CTIF: variants seen among roughly 807,000 people sequenced by gnomAD.
The protein encoded by CTIF is cap binding complex dependent translation initiation factor, also known as CBP80/20-dependent translation initiation factor.
A neutral mutation model predicts 66.0 loss-of-function variants in CTIF; 21 were observed. The ratio of observed to expected loss-of-function variants is 0.32; its 90% CI spans 0.23 to 0.46. The LOEUF (loss-of-function observed/expected upper bound fraction) is 0.46. Ranked by LOEUF, CTIF falls within the 20% of genes least tolerant of loss-of-function variation. The probability of loss-of-function intolerance (pLI) is 1.00; values close to 1 mark genes in which losing one functional copy is unlikely to be tolerated. For synonymous variants in CTIF, 345 were observed against 326.4 expected, an observed-to-expected ratio of 1.06 and a Z score of -0.62; for missense variants, 739 against 812.7, an observed-to-expected ratio of 0.91 and a Z score of 1.10.
intron 9 of CTIF, among the ~76,000 whole-genome samples, chr18:48,797,498 G>GGC (rs1555695542): frequency 2.7e-5 from 4 of 147,448 alleles, no homozygotes; most frequent in African/African-American, 1.0e-4. Flanking sequence ...GAAAAGGGGT[G>GGC]GGGGGGCAAG....
chr18:48,794,756 G>A (rs2067873616), intron 9 of CTIF, among the ~76,000 whole-genome samples: 1 of 152,174 alleles, frequency 6.6e-6, no homozygotes, highest in South Asian at 2.1e-4. Context: ...TGGGAACTCT[G>A]GAGGTTTTCC....
intron 10 of CTIF, among the ~76,000 whole-genome samples, chr18:48,828,151 T>C (rs1197215658): frequency 6.6e-6 from 1 of 152,162 alleles, no homozygotes; most frequent in Non-Finnish European, 1.5e-5. Context: ...CCTAGAGTTA[T>C]AAAAATACCA....
chr18:48,675,430 C>T (rs894625779), intron 6 of CTIF, among the ~76,000 whole-genome samples: 11 of 152,172 alleles, frequency 7.2e-5, no homozygotes, highest in East Asian at 1.9e-4. Flanking sequence ...AGGGCACCAG[C>T]GCACCACTCT....
At chr18:48,598,520 C>A (rs1346948936) in intron 1 of CTIF, among the ~76,000 whole-genome samples, 1 of 152,142 alleles carries the variant, frequency 6.6e-6, no homozygotes, top group Non-Finnish European at 1.5e-5. Context: ...TTGAGGGGAG[C>A]CAGCAATAAG....
chr18:48,841,056 C>T (rs181530355), intron 10 of CTIF, among the ~76,000 whole-genome samples: 5 of 152,272 alleles, frequency 3.3e-5, no homozygotes, highest in Admixed American at 2.6e-4. Context: ...TTTTCTAAGT[C>T]CTCCAATGAC....
intron 7 of CTIF, among the ~76,000 whole-genome samples, chr18:48,726,538 G>A (rs1227748410): frequency 6.6e-6 from 1 of 152,134 alleles, no homozygotes; most frequent in Non-Finnish European, 1.5e-5. Context: ...TCACAAGGTG[G>A]TTGGCAGTTC....
At chr18:48,706,023 C>G (rs554998866) in intron 6 of CTIF, among the ~76,000 whole-genome samples, 128 of 152,228 alleles carry the variant, frequency 8.4e-4, no homozygotes, top group Admixed American at 1.6e-3. Context: ...ATGGCGGGCC[C>G]CCTACATTTG....
chr18:48,702,759 G>A (rs954606414), intron 6 of CTIF, among the ~76,000 whole-genome samples: 2 of 152,122 alleles, frequency 1.3e-5, no homozygotes, highest in Admixed American at 6.5e-5. Context: ...GCCCACCCCC[G>A]ACTTTCCTTT....
At position 48,860,880 on chromosome 18, in the gene CTIF, G is replaced by C. The variant is rs2069451325; in HGVS notation, c.*1321G>C. On this transcript the variant is annotated 3_prime_UTR_variant, in exon 12 of 12. Transcript: ENST00000256413. ...GGGTTTCTTGGCAGGCCCTGGTCCT[G>C]GGGAGCAGGCCCTGTTGTTGGCTGG... The C allele has an allele frequency of 6.6e-6, 1 of 152,192 alleles. No individual in the cohort carries two copies. Among genetic ancestry groups the C allele is most frequent in the South Asian group, 2.1e-4 (1 of 4,824 alleles). 9.4% of individuals were successfully genotyped at this position (152,192 alleles called of 1,614,324 possible).
rs1303944860 is a variant in CTIF at position 48,730,640 on chromosome 18, T to A, written c.584+18945T>A. Among the ~76,000 whole-genome samples the A allele has an allele frequency of 4.4e-5, 5 of 114,848 alleles. 1 individual carries two copies. The highest frequency in any genetic ancestry group is 1.7e-4 in the Admixed American group (2 of 12,106). 75.3% of individuals were successfully genotyped at this position (114,848 alleles called of 152,430 possible). On this transcript the variant is annotated intron_variant, in intron 7 of 11. Coordinates refer to ENST00000256413, the MANE Select transcript of CTIF (RefSeq NM_014772.3). ...GGGCTCCTGCGGTGTGAGGGGCCCC[T>A]GTGGTGTGAGGGGCTTCTGCGGTGT...
chr18:48,600,807 A>C (rs1004743432), intron 1 of CTIF, among the ~76,000 whole-genome samples: 1 of 152,096 alleles, frequency 6.6e-6, no homozygotes, highest in African/African-American at 2.4e-5. Flanking sequence ...TTTTGCAGCC[A>C]AACCAGTTCT....
chr18:48,626,249 C>T (rs12967479), intron 2 of CTIF, among the ~76,000 whole-genome samples: 84,818 of 151,984 alleles, frequency 0.56, 27,347 homozygotes, highest in East Asian at 0.86. Context: ...GATCCACCTG[C>T]CTCGGGCTCC....
At chr18:48,857,756 GTGGA>G in intron 11 of CTIF, 115 bp downstream of exon 11, 1 of 940,602 alleles carries the variant, frequency 1.1e-6, no homozygotes, top group South Asian at 1.8e-5. Context: ...GGGAAGGTAG[GTGGA>G]TGGCTTCAGG....
At chr18:48,676,496 C>T (rs958245380) in intron 6 of CTIF, among the ~76,000 whole-genome samples, 4 of 152,176 alleles carry the variant, frequency 2.6e-5, no homozygotes, top group Non-Finnish European at 5.9e-5. Flanking sequence ...CATTAGATGG[C>T]TCAGACCTAG....
In CTIF at chr18:48,579,365, C is replaced by T. The variant is rs532157236; in HGVS notation, c.-29+40053C>T. On this transcript the variant is annotated intron_variant, in intron 1 of 11. Transcript: ENST00000256413. ...TTCTCCATGTTGGCCAGGCTGGTCTCGCACTCCTGACCTCAAGTGACCTGC... is the reference window on the plus strand; with the variant it reads ...TTCTCCATGTTGGCCAGGCTGGTCTTGCACTCCTGACCTCAAGTGACCTGC... Among the ~76,000 whole-genome samples the T allele has an allele frequency of 7.1e-4, 108 of 152,206 alleles. 3 individuals carry two copies. In the South Asian group the frequency reaches 0.019, roughly 26 times the overall value.
At chr18:48,690,761 T>C (rs1469151787) in intron 6 of CTIF, among the ~76,000 whole-genome samples, 1 of 151,926 alleles carries the variant, frequency 6.6e-6, no homozygotes, top group African/African-American at 2.4e-5. Flanking sequence ...CCAAGCTGCA[T>C]GGACTTGACC....
At chr18:48,553,481 G>A (rs2175565) in intron 1 of CTIF, among the ~76,000 whole-genome samples, 110,003 of 151,974 alleles carry the variant, frequency 0.72, 40,901 homozygotes, top group East Asian at 0.96. Flanking sequence ...CCGGAATGCA[G>A]ACTGTAACCA....
Position 48,818,241 on chromosome 18 carries a change from C to T in CTIF, c.1527+865C>T, listed in dbSNP as rs904677114. Reference sequence around the variant, plus strand: ...AAGCCGAGTGGGGCTGCTTAGGCTGCGCAGCAAGAGGTTGGTGGCTTGGAA... The same window carrying T: ...AAGCCGAGTGGGGCTGCTTAGGCTGTGCAGCAAGAGGTTGGTGGCTTGGAA... On this transcript the variant is annotated intron_variant, in intron 10 of 11. Transcript: ENST00000256413. Among the ~76,000 whole-genome samples the T allele has an allele frequency of 1.3e-4, 20 of 152,114 alleles. 1 individual carries two copies. The highest frequency in any genetic ancestry group is 2.6e-4 in the Admixed American group (4 of 15,272).
In CTIF at chr18:48,758,031, C is replaced by T; in HGVS notation, c.697C>T (p.Pro233Ser). Residue 233 changes from proline to serine, a missense_variant, in exon 8 of 12, where the codon CCC becomes TCC. Physicochemically the swap from Pro to Ser is moderately conservative, Grantham distance 74 (BLOSUM62 -1). Coordinates refer to ENST00000256413, the MANE Select transcript of CTIF (RefSeq NM_014772.3). ...GAAATCCTACCAGGGGGGCTCAGCACCCCACCCCTCAGGGAGGCCCACTCA... is the reference window on the plus strand; with the variant it reads ...GAAATCCTACCAGGGGGGCTCAGCATCCCACCCCTCAGGGAGGCCCACTCA... ...HQKSYQGGSA[P>S]HPSGRPTHHG... 3.1e-6 allele frequency: 5 copies of T among 1,614,066 alleles called. No homozygotes were observed. Among genetic ancestry groups the T allele is most frequent in the African/African-American group, 1.3e-5 (1 of 75,038 alleles).
Sources: gnomAD v4.1 joint callset for allele counts (sites outside exome capture counted in the v4.1 genomes callset) on GRCh38, gnomAD v4.1.1 for gene constraint, MANE v1.5 for transcripts, NCBI Gene and HGNC (gene_info 2026-07-23, HGNC 2026-07-21) for gene names.